The following SLCO1A2 variants were observed in gnomAD, a reference collection of about 807,000 sequenced individuals.
SLCO1A2 encodes the protein OATP-1.
SLCO1A2 carries 67 observed loss-of-function variants against 69.0 expected under a neutral mutation model. That is an observed-to-expected ratio of 0.97 (90% CI 0.80 to 1.19). SLCO1A2 has a LOEUF of 1.19. Ranked by LOEUF, SLCO1A2 falls within the 50% of genes most tolerant of loss-of-function variation. SLCO1A2 has a pLI of 0.00. For missense variants in SLCO1A2, 787 were observed against 793.7 expected, an observed-to-expected ratio of 0.99 and a Z score of 0.10; for synonymous variants, 260 against 265.9, an observed-to-expected ratio of 0.98 and a Z score of 0.22.
intron 1 of SLCO1A2, among the ~76,000 whole-genome samples, chr12:21,382,039 G>C (rs1940619572): frequency 6.6e-6 from 1 of 152,190 alleles, no homozygotes; most frequent in African/African-American, 2.4e-5. Flanking sequence ...TATGTTTATA[G>C]CAGTACAATT....
chr12:21,306,636 A>G (rs780037344), intron 5 of SLCO1A2, among the ~76,000 whole-genome samples: 50 of 152,192 alleles, frequency 3.3e-4, no homozygotes, highest in South Asian at 2.1e-3. Flanking sequence ...CCTTTGACTC[A>G]TTTTTAGATA....
At chr12:21,418,841 C>T (rs1036326532), upstream of SLCO1A2, among the ~76,000 whole-genome samples, 1 of 152,092 alleles carries the variant, frequency 6.6e-6, no homozygotes, top group Non-Finnish European at 1.5e-5. Context: ...TAGCAAACTA[C>T]CACCTGTAGG....
intron 1 of SLCO1A2, among the ~76,000 whole-genome samples, chr12:21,417,176 A>G (rs1018975610): frequency 1.3e-5 from 2 of 152,094 alleles, no homozygotes; most frequent in African/African-American, 2.4e-5. Flanking sequence ...AAGCAAAGAA[A>G]AAAAGCAAGG....
intron 1 of SLCO1A2, among the ~76,000 whole-genome samples, chr12:21,401,227 A>C (rs1015225274): frequency 5.3e-5 from 8 of 151,900 alleles, no homozygotes; most frequent in African/African-American, 1.9e-4. Flanking sequence ...AATCACAAAA[A>C]AGTTCCTATA....
chr12:21,382,525 C>T (rs781544589), intron 1 of SLCO1A2, among the ~76,000 whole-genome samples: 32 of 152,072 alleles, frequency 2.1e-4, no homozygotes, highest in Admixed American at 3.9e-4. Flanking sequence ...ATGGCTGATG[C>T]GGTGGTTCAC....
At chr12:21,355,309 G>A (rs1938278958) in intron 2 of SLCO1A2, among the ~76,000 whole-genome samples, 1 of 152,052 alleles carries the variant, frequency 6.6e-6, no homozygotes, top group South Asian at 2.1e-4. Flanking sequence ...TTATCCTGAA[G>A]AGTCCTCCCA....
At chr12:21,323,698 T>C (rs1951929054) in intron 2 of SLCO1A2, among the ~76,000 whole-genome samples, 3 of 152,242 alleles carry the variant, frequency 2.0e-5, no homozygotes, top group Non-Finnish European at 4.4e-5. Context: ...TCAGTAGTTA[T>C]TTTCTTTTAA....
chr12:21,290,542 A>G (rs1471071534), intron 12 of SLCO1A2, among the ~76,000 whole-genome samples: 1 of 152,198 alleles, frequency 6.6e-6, no homozygotes. Flanking sequence ...GGCACCACAA[A>G]TCAAAGGAAA....
chr12:21,363,837 A>G (rs929979183), intron 2 of SLCO1A2, among the ~76,000 whole-genome samples: 1 of 152,224 alleles, frequency 6.6e-6, no homozygotes, highest in African/African-American at 2.4e-5. Context: ...CCCTCCTAAG[A>G]CTAAACCAGG....
rs200551341 is a variant in SLCO1A2 at position 21,293,159 on chromosome 12, C to T, written c.1437+786G>A. On this transcript the variant is annotated intron_variant, in intron 11 of 14. Coordinates refer to ENST00000683939, the MANE Select transcript of SLCO1A2 (RefSeq NM_001386879.1). ...CTCTACTAAAAATACAAAAATTACCCGGGCATGGTGGCATGTGCCTGTCAT... is the reference window on the plus strand; with the variant it reads ...CTCTACTAAAAATACAAAAATTACCTGGGCATGGTGGCATGTGCCTGTCAT... 3.4e-4 allele frequency among the ~76,000 whole-genome samples: 52 copies of T among 152,024 alleles called. 1 individual carries two copies. The East Asian group carries it at 8.7e-3, about 26-fold the overall frequency.
chr12:21,301,194 A>G lies in SLCO1A2; in HGVS notation c.665T>C (p.Val222Ala), dbSNP rs374011740. The G allele has an allele frequency of 2.9e-5, 47 of 1,612,222 alleles. No homozygotes were observed. In the African/African-American group the frequency reaches 5.9e-4, roughly 20 times the overall value. The change falls in exon 7 of 15, where the codon GTT becomes GCT. Residue 222 changes from valine to alanine, a missense_variant. Val to Ala is a moderately conservative substitution (Grantham distance 64). Coordinates refer to ENST00000683939, the MANE Select transcript of SLCO1A2 (RefSeq NM_001386879.1). ...ACCTGTGTTCACAAATCCAGTGTCAACATAAACATTTGCACAGAATGATGC... is the reference window on the plus strand; with the variant it reads ...ACCTGTGTTCACAAATCCAGTGTCAGCATAAACATTTGCACAGAATGATGC... ...LLASFCANVYVDTGFVNTDDL... is the reference protein window; with the variant it reads ...LLASFCANVYADTGFVNTDDL...
intron 12 of SLCO1A2, among the ~76,000 whole-genome samples, chr12:21,287,276 G>C (rs1284183600): frequency 1.2e-3 from 187 of 149,882 alleles, no homozygotes; most frequent in African/African-American, 4.5e-3. Context: ...ATCATCACTG[G>C]CCATCAGAGA....
At chr12:21,307,405 A>G (rs1949558823) in intron 4 of SLCO1A2, among the ~76,000 whole-genome samples, 1 of 152,242 alleles carries the variant, frequency 6.6e-6, no homozygotes, top group Non-Finnish European at 1.5e-5. Flanking sequence ...GGCATTCTCT[A>G]AAGTTTGCTC....
chr12:21,402,212 A>C (rs1385964753), intron 1 of SLCO1A2, among the ~76,000 whole-genome samples: 1 of 151,404 alleles, frequency 6.6e-6, no homozygotes, highest in African/African-American at 2.4e-5. Flanking sequence ...ATTTATACAA[A>C]GGCAAAAAGT....
rs747773372 is a variant in SLCO1A2, at chr12:21,306,893, T to C, written c.431A>G (p.Gln144Arg). The C allele has an allele frequency of 1.2e-6, 2 of 1,612,902 alleles. No homozygotes were observed. Among genetic ancestry groups the C allele is most frequent in the Admixed American group, 3.3e-5 (2 of 60,014 alleles). The change falls in exon 5 of 15, where the codon CAG becomes CGG. Residue 144 changes from glutamine (Q) to arginine (R), a missense_variant. Coordinates refer to ENST00000683939, the MANE Select transcript of SLCO1A2 (RefSeq NM_001386879.1). ...ENGTQILRPT[Q>R]DPSECTKEVK... The stretch of plus-strand genomic sequence containing the variant: ...ATGAAGTAGACAACCTGATGGATCC[T>C]GCGTTGGTCTTAAAATCTGGGTTCC...
chr12:21,321,355 T>C (rs1951597765), intron 2 of SLCO1A2, among the ~76,000 whole-genome samples: 1 of 152,226 alleles, frequency 6.6e-6, no homozygotes, highest in Non-Finnish European at 1.5e-5. Flanking sequence ...ACCTCTCATA[T>C]GTATGAACAG....
chr12:21,398,555 A>T (rs1312569202), upstream of SLCO1A2, among the ~76,000 whole-genome samples: 17 of 151,882 alleles, frequency 1.1e-4, 1 homozygote, highest in Non-Finnish European at 2.5e-4. Flanking sequence ...TACCAAAGCC[A>T]GGCAGAGACA....
At chr12:21,388,244 C>T (rs1050915419) in intron 1 of SLCO1A2, among the ~76,000 whole-genome samples, 8 of 151,928 alleles carry the variant, frequency 5.3e-5, no homozygotes, top group African/African-American at 1.9e-4. Flanking sequence ...GTTGGAAGGG[C>T]ACATTGTGTT....
chr12:21,274,626 T>G, intron 13 of SLCO1A2, 40 bp from the exon 14 acceptor site: 1 of 1,230,342 alleles, frequency 8.1e-7, no homozygotes, highest in Non-Finnish European at 1.2e-6. Flanking sequence ...CAACAAGAAT[T>G]AAGATACTTG....
Sources: allele counts gnomAD v4.1 joint callset (sites outside exome capture counted in the v4.1 genomes callset), GRCh38; gene constraint gnomAD v4.1.1; transcripts MANE v1.5; gene names NCBI Gene and HGNC (gene_info 2026-07-23, HGNC 2026-07-21).